COL4A1: variants seen among roughly 807,000 people sequenced by gnomAD.
The protein encoded by COL4A1 is collagen type IV alpha 1 chain.
In COL4A1, 40 loss-of-function variants were observed where a neutral mutation model predicts 216.6. That is an observed-to-expected ratio of 0.18 (90% CI 0.14 to 0.24). The LOEUF (loss-of-function observed/expected upper bound fraction) is 0.24, where lower values mean the gene tolerates loss of function less well. Among genes scored for constraint, COL4A1 ranks in the 10% least tolerant of loss-of-function variants. The pLI is 1.00. For synonymous variants in COL4A1, 839 were observed against 810.7 expected (o/e 1.03, Z -0.59); for missense variants, 1,628 against 2,196.8 (o/e 0.74, Z 5.18).
At chr13:110,284,707 A>G (rs935729725) in intron 1 of COL4A1, among the ~76,000 whole-genome samples, 1 of 152,210 alleles carries the variant, frequency 6.6e-6, no homozygotes, top group African/African-American at 2.4e-5. Flanking sequence ...CTCCATCCTC[A>G]TGATATGAAA....
chr13:110,243,587 G>A (rs2139246970), intron 1 of COL4A1, among the ~76,000 whole-genome samples: 1 of 152,260 alleles, frequency 6.6e-6, no homozygotes, highest in South Asian at 2.1e-4. Context: ...CCAAAGTGCT[G>A]GGATTATAGG....
At chr13:110,259,072 T>C (rs1319939289) in intron 1 of COL4A1, among the ~76,000 whole-genome samples, 1 of 152,246 alleles carries the variant, frequency 6.6e-6, no homozygotes, top group East Asian at 1.9e-4. Context: ...GGCCCTTGGC[T>C]TCCAAAGCCA....
intron 1 of COL4A1, 136 bp from the exon 2 acceptor site, chr13:110,242,870 C>T: frequency 3.2e-6 from 3 of 951,376 alleles, no homozygotes; most frequent in East Asian, 4.8e-5. Context: ...ATCTTATCTG[C>T]ACTGGTTTTC....
At chr13:110,294,635 T>C (rs1884199954) in intron 1 of COL4A1, among the ~76,000 whole-genome samples, 1 of 152,246 alleles carries the variant, frequency 6.6e-6, no homozygotes, top group Admixed American at 6.5e-5. Context: ...AGACACAAAG[T>C]AGACACAATT....
In COL4A1 at chr13:110,213,360, T is replaced by C. The variant is rs113933432; in HGVS notation, c.279+422A>G. On this transcript the variant is annotated intron_variant, in intron 4 of 51. Transcript: ENST00000375820. ...TGCACAAAATAACTCTGCTCCCATT[T>C]CATCATTACTAAGAGGTGGAGAGGA... Among the ~76,000 whole-genome samples, 414 of 152,330 alleles carry C rather than the reference T, an allele frequency of 2.7e-3. 3 individuals carry two copies. The highest frequency in any genetic ancestry group is 8.7e-3 in the African/African-American group (362 of 41,572).
At chr13:110,306,915 G>T (rs1884753027) in intron 1 of COL4A1, 29 bp downstream of exon 1, 4 of 1,446,770 alleles carry the variant, frequency 2.8e-6, no homozygotes, top group Non-Finnish European at 2.7e-6. Context: ...GGGGCGGGAC[G>T]CCGGGAGCGG....
intron 1 of COL4A1, among the ~76,000 whole-genome samples, chr13:110,246,935 G>T (rs1242991796): frequency 6.6e-6 from 1 of 152,192 alleles, no homozygotes; most frequent in Admixed American, 6.5e-5. Flanking sequence ...CCACTTGGAA[G>T]ACGGGGAATA....
intron 12 of COL4A1, among the ~76,000 whole-genome samples, chr13:110,208,134 A>G (rs564084485): frequency 6.2e-4 from 95 of 152,304 alleles, no homozygotes; most frequent in African/African-American, 2.0e-3. Context: ...GGCTGGCTAC[A>G]GCAATGGCAG....
chr13:110,235,650 C>A (rs1881283867), intron 2 of COL4A1, among the ~76,000 whole-genome samples: 2 of 92,060 alleles, frequency 2.2e-5, no homozygotes. Flanking sequence ...CAGAGTAAGA[C>A]TCTGTCTCAA....
In COL4A1 at chr13:110,192,858, G is replaced by C. The variant is rs151186561; in HGVS notation, c.1437C>G (p.Pro479=). The change falls in exon 23 of 52, where the codon CCC becomes CCG. Residue 479 remains proline (P), a synonymous_variant. Transcript: ENST00000375820. ...TTTCTCCCGGGGGTCCCTGTGGCCC[G>C]GGAGGCCCCCGATATCCGTCTATAT... ...ICDIDGYRGP[P]GPQGPPGEIG... The C allele has an allele frequency of 1.9e-6, 3 of 1,614,032 alleles. No homozygotes were observed. The highest frequency in any genetic ancestry group is 2.5e-6 in the Non-Finnish European group (3 of 1,179,964).
At chr13:110,206,622 A>C in intron 15 of COL4A1, 43 bp downstream of exon 15, 14 of 1,600,840 alleles carry the variant, frequency 8.7e-6, no homozygotes, top group Non-Finnish European at 1.2e-5. Context: ...TCCGCATGGA[A>C]GGAGAATTGT....
intron 22 of COL4A1, 29 bp from the exon 23 acceptor site, chr13:110,192,942 G>C: frequency 6.3e-7 from 1 of 1,598,010 alleles, no homozygotes; most frequent in Non-Finnish European, 8.6e-7. Flanking sequence ...AGGTGCTTAC[G>C]TGTAACATGT....
intron 1 of COL4A1, among the ~76,000 whole-genome samples, chr13:110,288,521 CACTAT>C (rs1430217995): frequency 6.6e-6 from 1 of 152,146 alleles, no homozygotes; most frequent in Non-Finnish European, 1.5e-5. Context: ...GTTCCCACTT[CACTAT>C]ATCTATTTTT....
chr13:110,269,271 A>T (rs1431437939), intron 1 of COL4A1, among the ~76,000 whole-genome samples: 2 of 152,226 alleles, frequency 1.3e-5, no homozygotes, highest in African/African-American at 4.8e-5. Flanking sequence ...ACCCTTGTTT[A>T]TGATATAATT....
rs576038795 is a variant in COL4A1, at chr13:110,211,428, T to C, written c.468+219A>G. On this transcript the variant is annotated intron_variant, in intron 8 of 51. Transcript: ENST00000375820. The surrounding 1 kb of genome is among the most constrained non-coding windows in gnomAD (Gnocchi z 4.3). The stretch of plus-strand genomic sequence containing the variant: ...ACACCAGGCCTCCTTCCGCTGCTTA[T>C]TCCCCATTAAGAAGCTGTGCCAAGT... 6.6e-6 allele frequency among the ~76,000 whole-genome samples: 1 copy of C among 152,344 alleles called. No homozygotes were observed. The highest frequency in any genetic ancestry group is 2.1e-4 in the South Asian group (1 of 4,832).
chr13:110,220,945 G>A (rs1287457667), intron 2 of COL4A1, among the ~76,000 whole-genome samples: 3 of 152,168 alleles, frequency 2.0e-5, no homozygotes, highest in Non-Finnish European at 4.4e-5. Flanking sequence ...AAGCCCTCAC[G>A]ATAAGGTCCA....
At chr13:110,289,183 C>T (rs60232894) in intron 1 of COL4A1, among the ~76,000 whole-genome samples, 16,746 of 152,148 alleles carry the variant, frequency 0.11, 1,008 homozygotes, top group South Asian at 0.2. Flanking sequence ...CTAAGTTCTC[C>T]TGGATGGAAG....
intron 1 of COL4A1, among the ~76,000 whole-genome samples, chr13:110,285,951 C>T (rs890617823): frequency 5.9e-5 from 9 of 152,176 alleles, no homozygotes; most frequent in African/African-American, 2.2e-4. Context: ...GACCACATCC[C>T]CTGTCCAAAG....
At chr13:110,169,497 AACACACAC>A (rs3832901) in intron 43 of COL4A1, 124 bp downstream of exon 43, 32 of 1,184,754 alleles carry the variant, frequency 2.7e-5, no homozygotes, top group Middle Eastern at 4.5e-4. Context: ...GTGGGAGTGT[AACACACAC>A]ACACACACAC....
Sources: allele counts gnomAD v4.1 joint callset (sites outside exome capture counted in the v4.1 genomes callset), GRCh38; gene constraint gnomAD v4.1.1; non-coding constraint Gnocchi (gnomAD v3.1); transcripts MANE v1.5; gene names NCBI Gene and HGNC (gene_info 2026-07-23, HGNC 2026-07-21).